The following GRIK2 variants were observed in gnomAD, a reference collection of about 807,000 sequenced individuals.
The protein encoded by GRIK2 is glutamate receptor ionotropic, kainate 2.
GRIK2 carries 32 observed loss-of-function variants against 100.3 expected under a neutral mutation model. The ratio of observed to expected loss-of-function variants is 0.32; its 90% CI spans 0.24 to 0.43. The LOEUF is 0.43. Ranked by LOEUF, GRIK2 falls within the 20% of genes least tolerant of loss-of-function variation. The pLI is 1.00. For missense variants in GRIK2, 843 were observed against 1,114.9 expected (o/e 0.76, Z 3.47); for synonymous variants, 417 against 389.4 (o/e 1.07, Z -0.83).
rs150357909 is a variant in GRIK2 at position 101,830,913 on chromosome 6, A to G, written c.1317+12430A>G. 1.3e-3 allele frequency among the ~76,000 whole-genome samples: 199 copies of G among 152,160 alleles called. 1 individual carries two copies. The highest frequency in any genetic ancestry group is 4.5e-3 in the African/African-American group (186 of 41,562). Reference sequence around the variant, plus strand: ...TCTCACTTATAAGTGGGAGCTAAACATTGGTACACATGGAAACAAGATGGG... The same window carrying G: ...TCTCACTTATAAGTGGGAGCTAAACGTTGGTACACATGGAAACAAGATGGG... On this transcript the variant is annotated intron_variant, in intron 10 of 16. Coordinates refer to ENST00000369134, the MANE Select transcript of GRIK2 (RefSeq NM_021956.5).
At chr6:101,574,377 TAA>T (rs1289626907) in intron 2 of GRIK2, among the ~76,000 whole-genome samples, 2 of 148,090 alleles carry the variant, frequency 1.4e-5, no homozygotes, top group Non-Finnish European at 3.0e-5. Flanking sequence ...TATAAATATA[TAA>T]AGTGTATATA....
chr6:101,764,318 T>C (rs1777913203), intron 7 of GRIK2, among the ~76,000 whole-genome samples: 1 of 152,116 alleles, frequency 6.6e-6, no homozygotes, highest in Non-Finnish European at 1.5e-5. Flanking sequence ...CTCAATATCA[T>C]CTTCCGTGAC....
intron 2 of GRIK2, among the ~76,000 whole-genome samples, chr6:101,413,699 A>G (rs1775983576): frequency 6.6e-6 from 1 of 152,148 alleles, no homozygotes; most frequent in South Asian, 2.1e-4. Context: ...ATTTCTTATT[A>G]TAATTGAAGG....
At position 101,686,317 on chromosome 6, in the gene GRIK2, G is replaced by A. The variant is rs145542805; in HGVS notation, c.915G>A (p.Pro305=). The A allele has an allele frequency of 4.2e-5, 67 of 1,613,426 alleles. No individual in the cohort carries two copies. Among genetic ancestry groups the A allele is most frequent in the African/African-American group, 1.7e-4 (13 of 74,998 alleles). Residue 305 remains proline (P), a synonymous_variant, in exon 7 of 17, where the codon CCG becomes CCA. Coordinates refer to ENST00000369134, the MANE Select transcript of GRIK2 (RefSeq NM_021956.5). ...CGATGGAACGATTGCAGGCACCTCCGAAACCCGATTCAGGTTTGCTGGATG... is the reference window on the plus strand; with the variant it reads ...CGATGGAACGATTGCAGGCACCTCCAAAACCCGATTCAGGTTTGCTGGATG... ...KWSMERLQAP[P]KPDSGLLDGF...
At chr6:101,828,969 C>G (rs1034806468) in intron 10 of GRIK2, among the ~76,000 whole-genome samples, 1 of 151,816 alleles carries the variant, frequency 6.6e-6, no homozygotes, top group Non-Finnish European at 1.5e-5. Context: ...AAGAAGAAAA[C>G]TATAGGCCAA....
At chr6:101,598,627 T>C (rs140405524) in intron 2 of GRIK2, among the ~76,000 whole-genome samples, 1 of 144,896 alleles carries the variant, frequency 6.9e-6, no homozygotes, top group African/African-American at 2.5e-5. Context: ...AAAAAAAATT[T>C]AAAAAAAAGG....
chr6:101,935,928 A>T (rs546225245), intron 14 of GRIK2, among the ~76,000 whole-genome samples: 1 of 152,066 alleles, frequency 6.6e-6, no homozygotes, highest in Admixed American at 6.6e-5. Context: ...TAATATACTT[A>T]GGCTTCTAAG....
intron 7 of GRIK2, among the ~76,000 whole-genome samples, chr6:101,753,559 A>T (rs949953679): frequency 3.9e-5 from 6 of 152,094 alleles, no homozygotes; most frequent in African/African-American, 1.4e-4. Flanking sequence ...CTGTTTCCAG[A>T]TATACTTAAG....
At chr6:101,992,389 A>G (rs946666566) in intron 14 of GRIK2, among the ~76,000 whole-genome samples, 3 of 151,662 alleles carry the variant, frequency 2.0e-5, no homozygotes, top group Non-Finnish European at 4.4e-5. Flanking sequence ...TTAGTGGGGC[A>G]TAAGATCACC....
intron 14 of GRIK2, among the ~76,000 whole-genome samples, chr6:101,958,089 A>G (rs1792052734): frequency 6.6e-6 from 1 of 152,016 alleles, no homozygotes; most frequent in Admixed American, 6.6e-5. Context: ...GAATCTGTAG[A>G]TTGTTTTAGG....
chr6:102,038,775 A>T (rs1770414830), intron 15 of GRIK2, among the ~76,000 whole-genome samples: 1 of 151,436 alleles, frequency 6.6e-6, no homozygotes, highest in Non-Finnish European at 1.5e-5. Context: ...TAAGGTTCTG[A>T]AAAACTCAGA....
chr6:101,778,659 T>A (rs1240468205), intron 7 of GRIK2, among the ~76,000 whole-genome samples: 1 of 152,154 alleles, frequency 6.6e-6, no homozygotes, highest in East Asian at 1.9e-4. Context: ...TTTGATGGAT[T>A]TTTGCTGAGA....
At chr6:101,803,372 T>A (rs1780792172) in intron 9 of GRIK2, among the ~76,000 whole-genome samples, 2 of 151,864 alleles carry the variant, frequency 1.3e-5, no homozygotes, top group African/African-American at 4.8e-5. Context: ...TTTTTGATAG[T>A]GTCCCCAAGA....
At chr6:102,033,511 T>G (rs1205399542) in intron 14 of GRIK2, among the ~76,000 whole-genome samples, 2 of 151,294 alleles carry the variant, frequency 1.3e-5, no homozygotes, top group Non-Finnish European at 1.5e-5. Flanking sequence ...AAATTCTACT[T>G]TTTTTAAACC....
chr6:101,543,461 C>T (rs918101038), intron 2 of GRIK2, among the ~76,000 whole-genome samples: 1 of 152,208 alleles, frequency 6.6e-6, no homozygotes, highest in African/African-American at 2.4e-5. Context: ...TATATTCATA[C>T]ATGATCTGAA....
chr6:101,800,002 G>T (rs970919687), intron 8 of GRIK2, among the ~76,000 whole-genome samples: 3 of 151,950 alleles, frequency 2.0e-5, no homozygotes, highest in Admixed American at 6.6e-5. Context: ...ATCTATGAGG[G>T]TTAGCATTTA....
chr6:101,458,693 G>A (rs1378722831), intron 2 of GRIK2, among the ~76,000 whole-genome samples: 1 of 152,148 alleles, frequency 6.6e-6, no homozygotes, highest in Admixed American at 6.5e-5. Context: ...TCTGGTACTA[G>A]GACGGCAGCC....
intron 14 of GRIK2, among the ~76,000 whole-genome samples, chr6:101,969,321 G>A (rs1792890320): frequency 6.6e-6 from 1 of 151,866 alleles, no homozygotes; most frequent in Non-Finnish European, 1.5e-5. Flanking sequence ...TTATGTTTAT[G>A]CATTTTTTAG....
At chr6:101,405,266 C>T (rs150843202) in intron 2 of GRIK2, among the ~76,000 whole-genome samples, 2 of 152,090 alleles carry the variant, frequency 1.3e-5, no homozygotes, top group Non-Finnish European at 2.9e-5. Flanking sequence ...AATAAGCTTT[C>T]TTCAAACCTT....
Sources: gnomAD v4.1 joint callset for allele counts (sites outside exome capture counted in the v4.1 genomes callset) on GRCh38, gnomAD v4.1.1 for gene constraint, MANE v1.5 for transcripts, NCBI Gene and HGNC (gene_info 2026-07-23, HGNC 2026-07-21) for gene names.